Variants in GRID1 observed in about 807,000 individuals in gnomAD.
GRID1 encodes glutamate receptor ionotropic, delta-1.
Under a neutral mutation model 98.0 loss-of-function variants are expected in GRID1, and 28 were observed. That is an observed-to-expected ratio of 0.29 (90% CI 0.21 to 0.39). GRID1 has a LOEUF of 0.39. GRID1 is among the 10% of genes least tolerant of loss of function. GRID1 has a pLI of 1.00. For missense variants in GRID1, 1,111 were observed against 1,340.5 expected, an observed-to-expected ratio of 0.83 and a Z score of 2.67; for synonymous variants, 553 against 538.5, an observed-to-expected ratio of 1.03 and a Z score of -0.37.
chr10:85,726,789 G>T lies in GRID1; in HGVS notation c.1533+1066C>A, dbSNP rs78529531. On this transcript the variant is annotated intron_variant, in intron 10 of 15. Coordinates refer to ENST00000327946, the MANE Select transcript of GRID1 (RefSeq NM_017551.3). ...TGGGAATGGCATTAACTATAAGTAG[G>T]TATGAAAGATATCAATGGCGTGACG... Among the ~76,000 whole-genome samples the T allele has an allele frequency of 4.4e-3, 663 of 152,290 alleles. 4 individuals are homozygous for T. Among genetic ancestry groups the T allele is most frequent in the African/African-American group, 0.015 (633 of 41,550 alleles).
At chr10:85,931,945 T>A (rs961506757) in intron 4 of GRID1, among the ~76,000 whole-genome samples, 2 of 152,282 alleles carry the variant, frequency 1.3e-5, no homozygotes, top group Non-Finnish European at 2.9e-5. Context: ...TCCTATTATA[T>A]CCTGCCAGAA....
intron 12 of GRID1, among the ~76,000 whole-genome samples, chr10:85,694,576 A>G (rs1273545968): frequency 5.4e-5 from 5 of 91,970 alleles, no homozygotes; most frequent in Admixed American, 9.4e-5. Context: ...ATATATATAT[A>G]TATATATATA....
chr10:86,133,486 C>T (rs1257216022), intron 4 of GRID1, among the ~76,000 whole-genome samples: 1 of 152,242 alleles, frequency 6.6e-6, no homozygotes, highest in African/African-American at 2.4e-5. Flanking sequence ...GCCCTGGCCT[C>T]ATTTGCTGAG....
intron 3 of GRID1, among the ~76,000 whole-genome samples, chr10:86,182,200 C>T (rs1845665751): frequency 6.6e-6 from 1 of 152,180 alleles, no homozygotes; most frequent in African/African-American, 2.4e-5. Flanking sequence ...CGGGTGCTTC[C>T]CCGTAGCCTA....
chr10:86,356,272 C>T (rs765392710), intron 2 of GRID1, among the ~76,000 whole-genome samples: 6 of 152,244 alleles, frequency 3.9e-5, no homozygotes, highest in African/African-American at 4.8e-5. Flanking sequence ...GCCCAACTAG[C>T]ATCCCGTACC....
At chr10:86,332,968 G>C (rs1472889181) in intron 2 of GRID1, among the ~76,000 whole-genome samples, 1 of 152,092 alleles carries the variant, frequency 6.6e-6, no homozygotes, top group Non-Finnish European at 1.5e-5. Flanking sequence ...TTCCACCAGG[G>C]TGGCCTCCCA....
intron 5 of GRID1, among the ~76,000 whole-genome samples, chr10:85,880,466 A>G (rs1258788966): frequency 6.6e-6 from 1 of 152,268 alleles, no homozygotes; most frequent in African/African-American, 2.4e-5. Context: ...GGCTGGTTCA[A>G]CATATGCAAA....
intron 8 of GRID1, among the ~76,000 whole-genome samples, chr10:85,785,589 C>G (rs977363372): frequency 6.6e-6 from 1 of 152,144 alleles, no homozygotes; most frequent in Non-Finnish European, 1.5e-5. Flanking sequence ...CTAGGCTAGA[C>G]TGAAATATCT....
intron 3 of GRID1, among the ~76,000 whole-genome samples, chr10:86,202,635 T>A (rs942545180): frequency 3.9e-5 from 6 of 152,232 alleles, no homozygotes; most frequent in African/African-American, 1.4e-4. Flanking sequence ...AAATAGCACA[T>A]CTTGTAAACC....
intron 4 of GRID1, among the ~76,000 whole-genome samples, chr10:86,132,731 A>G (rs1564685282): frequency 6.6e-6 from 1 of 152,248 alleles, no homozygotes; most frequent in Non-Finnish European, 1.5e-5. Flanking sequence ...ATTAAAAAGC[A>G]CAGTCTTTAT....
At chr10:85,631,528 G>GA (rs1842975476) in intron 13 of GRID1, among the ~76,000 whole-genome samples, 3 of 151,956 alleles carry the variant, frequency 2.0e-5, no homozygotes, top group Non-Finnish European at 4.4e-5. Flanking sequence ...ATATTTTCAA[G>GA]AAAAAAAGAA....
chr10:85,723,693 C>T (rs1841728997), intron 11 of GRID1, among the ~76,000 whole-genome samples: 1 of 152,166 alleles, frequency 6.6e-6, no homozygotes, highest in South Asian at 2.1e-4. Context: ...GGGCATGAGA[C>T]TTTTAGTTAG....
intron 8 of GRID1, among the ~76,000 whole-genome samples, chr10:85,753,051 G>T (rs1038908664): frequency 6.6e-6 from 1 of 152,136 alleles, no homozygotes; most frequent in African/African-American, 2.4e-5. Flanking sequence ...GTGATCCACA[G>T]ATCGGTGCCA....
chr10:86,313,859 CTTG>C (rs1398083845), intron 2 of GRID1, among the ~76,000 whole-genome samples: 5 of 152,196 alleles, frequency 3.3e-5, no homozygotes, highest in South Asian at 2.1e-4. Context: ...CCTGTCGGCG[CTTG>C]TTGTTTCTGC....
intron 12 of GRID1, among the ~76,000 whole-genome samples, chr10:85,699,035 GGTTTT>G (rs1458991777): frequency 4.6e-5 from 7 of 151,732 alleles, no homozygotes; most frequent in East Asian, 3.9e-4. Context: ...TTTGTTTTGG[GGTTTT>G]GTTTTGTTTT....
chr10:85,971,587 G>A (rs1842409122), intron 4 of GRID1, among the ~76,000 whole-genome samples: 1 of 152,092 alleles, frequency 6.6e-6, no homozygotes, highest in Non-Finnish European at 1.5e-5. Context: ...TGGTAAGAAT[G>A]TGAAAAATGC....
In GRID1 at chr10:86,035,439, A is replaced by G. The variant is rs867385594; in HGVS notation, c.726+103380T>C. Reference sequence around the variant, plus strand: ...AATTTCATCAAGTGCCCTCTTGACTATGAAAGCATGGATGGTAGAGAGTGT... The same window carrying G: ...AATTTCATCAAGTGCCCTCTTGACTGTGAAAGCATGGATGGTAGAGAGTGT... On this transcript the variant is annotated intron_variant, in intron 4 of 15. Transcript: ENST00000327946. Among the ~76,000 whole-genome samples the G allele has an allele frequency of 1.5e-4, 23 of 152,334 alleles. No homozygotes were observed. The Middle Eastern group carries it at 0.014, about 90-fold the overall frequency.
At chr10:86,327,229 A>G (rs1270375626) in intron 2 of GRID1, among the ~76,000 whole-genome samples, 1 of 152,230 alleles carries the variant, frequency 6.6e-6, no homozygotes, top group Non-Finnish European at 1.5e-5. Context: ...GCTATAGTTT[A>G]CTGCTGTTGT....
intron 12 of GRID1, among the ~76,000 whole-genome samples, chr10:85,718,589 G>A (rs1001155232): frequency 6.6e-6 from 1 of 152,230 alleles, no homozygotes; most frequent in African/African-American, 2.4e-5. Context: ...AAGGCTTGGG[G>A]CTTCCACCCT....
Sources: gnomAD v4.1 joint callset for allele counts (sites outside exome capture counted in the v4.1 genomes callset) on GRCh38, gnomAD v4.1.1 for gene constraint, MANE v1.5 for transcripts, NCBI Gene and HGNC (gene_info 2026-07-23, HGNC 2026-07-21) for gene names.